Variants in RBFOX1 observed in about 807,000 individuals in gnomAD.
RBFOX1 encodes RNA binding protein fox-1 homolog 1.
RBFOX1 carries 8 observed loss-of-function variants against 57.7 expected under a neutral mutation model. The ratio of observed to expected loss-of-function variants is 0.14; its 90% CI spans 0.08 to 0.25. The LOEUF is 0.25. RBFOX1 is among the 10% of genes least tolerant of loss of function. The pLI is 1.00. For missense variants in RBFOX1, 611 were observed against 548.5 expected (o/e 1.11, Z -1.14); for synonymous variants, 326 against 222.4 (o/e 1.47, Z -4.15).
At chr16:7,247,403 C>T (rs1350380544) in intron 4 of RBFOX1, among the ~76,000 whole-genome samples, 1 of 152,084 alleles carries the variant, frequency 6.6e-6, no homozygotes, top group Non-Finnish European at 1.5e-5. Context: ...AGCAAATACT[C>T]CTCTATGGTG....
chr16:7,423,496 G>T (rs554659509), intron 4 of RBFOX1, among the ~76,000 whole-genome samples: 1 of 152,088 alleles, frequency 6.6e-6, no homozygotes, highest in Non-Finnish European at 1.5e-5. Context: ...AGGCTTTGGG[G>T]TAGCTTGTGA....
chr16:6,848,833 G>T (rs1189551870), intron 3 of RBFOX1, among the ~76,000 whole-genome samples: 1 of 152,160 alleles, frequency 6.6e-6, no homozygotes, highest in Non-Finnish European at 1.5e-5. Context: ...AGTGATTAGT[G>T]TCAGGGATAA....
intron 3 of RBFOX1, among the ~76,000 whole-genome samples, chr16:6,917,592 C>G (rs557932545): frequency 1.3e-5 from 2 of 151,402 alleles, no homozygotes; most frequent in East Asian, 3.9e-4. Context: ...AGTTAGGAAG[C>G]TCTGACACCG....
chr16:7,710,199 A>G (rs2083760071), intron 15 of RBFOX1: 3 of 1,029,570 alleles, frequency 2.9e-6, no homozygotes, highest in Non-Finnish European at 3.5e-6. Flanking sequence ...AAGTAGGTTG[A>G]GATTTTCATC....
rs574407574 is a variant in RBFOX1 at position 5,506,178 on chromosome 16, C to T, written c.258+38924C>T. Among the ~76,000 whole-genome samples the T allele has an allele frequency of 2.6e-5, 4 of 152,272 alleles. No individual in the cohort carries two copies. In the East Asian group the frequency reaches 5.8e-4, roughly 22 times the overall value. ...TAATGTGCCTGTCTTCACAGTGTTC[C>T]GGGAACTTTCTGAAGGCAGGGTTCC... On this transcript the variant is annotated intron_variant, in intron 2 of 2. Coordinates refer to the RBFOX1 transcript ENST00000585867.
At chr16:6,947,252 T>G (rs2079728345) in intron 3 of RBFOX1, among the ~76,000 whole-genome samples, 1 of 152,198 alleles carries the variant, frequency 6.6e-6, no homozygotes, top group Non-Finnish European at 1.5e-5. Context: ...CAGAAGCTCT[T>G]CTTATTTTCC....
chr16:6,143,488 A>G (rs2152706258), intron 1 of RBFOX1, among the ~76,000 whole-genome samples: 1 of 152,284 alleles, frequency 6.6e-6, no homozygotes, highest in South Asian at 2.1e-4. Context: ...TTGTTTGTGG[A>G]GGAAAATGTT....
At chr16:7,122,804 C>G (rs145253290) in intron 4 of RBFOX1, among the ~76,000 whole-genome samples, 3 of 152,110 alleles carry the variant, frequency 2.0e-5, no homozygotes, top group Non-Finnish European at 1.5e-5. Flanking sequence ...TAGAAACAAG[C>G]CATATGTCTT....
chr16:6,258,708 G>T (rs772961667), intron 1 of RBFOX1, among the ~76,000 whole-genome samples: 1 of 152,120 alleles, frequency 6.6e-6, no homozygotes, highest in African/African-American at 2.4e-5. Flanking sequence ...TCAACAGGGG[G>T]ACTATAGTTA....
At chr16:7,168,903 T>C (rs1371158090) in intron 4 of RBFOX1, among the ~76,000 whole-genome samples, 1 of 152,220 alleles carries the variant, frequency 6.6e-6, no homozygotes, top group Non-Finnish European at 1.5e-5. Context: ...CTTAACTCCA[T>C]TTCTTAATGT....
intron 3 of RBFOX1, among the ~76,000 whole-genome samples, chr16:6,864,879 A>G (rs1404365917): frequency 1.3e-5 from 2 of 152,114 alleles, no homozygotes; most frequent in Admixed American, 1.3e-4. Flanking sequence ...GATACTCATC[A>G]AAACAAGAGG....
intron 10 of RBFOX1, chr16:7,614,752 C>T (rs139954106): frequency 1.3e-5 from 2 of 152,294 alleles, no homozygotes; most frequent in East Asian, 1.9e-4. Context: ...CAGCAAGCCA[C>T]TTGCAGGTAC....
At chr16:5,645,094 AAT>A (rs1473658629) in intron 3 of RBFOX1, among the ~76,000 whole-genome samples, 20 of 132,570 alleles carry the variant, frequency 1.5e-4, no homozygotes, top group Admixed American at 3.0e-4. Flanking sequence ...AAAAAAAAAA[AAT>A]AAAAATGTTG....
chr16:5,603,756 C>G (rs976077767), downstream of RBFOX1, among the ~76,000 whole-genome samples: 6 of 152,154 alleles, frequency 3.9e-5, no homozygotes, highest in Non-Finnish European at 8.8e-5. Context: ...CATCTGTGAT[C>G]ATGTGGCCAC....
intron 3 of RBFOX1, among the ~76,000 whole-genome samples, chr16:6,984,714 C>T (rs1029156466): frequency 2.0e-5 from 3 of 152,114 alleles, no homozygotes; most frequent in African/African-American, 4.8e-5. Context: ...GATCTCTTCT[C>T]ACTGCAACCT....
chr16:5,759,344 G>C lies in RBFOX1; in HGVS notation c.319-107959G>C, dbSNP rs1279118960. The stretch of plus-strand genomic sequence containing the variant: ...GAACTTCTTAGAGAGATGTATCTCT[G>C]TTCTGATGCTTGTATTTCCTTGGTG... On this transcript the variant is annotated intron_variant, in intron 3 of 19. Transcript: ENST00000641259. Among the ~76,000 whole-genome samples the C allele has an allele frequency of 3.9e-5, 6 of 152,180 alleles. No individual in the cohort carries two copies. In the South Asian group the frequency reaches 6.2e-4, roughly 16 times the overall value.
At chr16:6,680,206 A>G (rs2058420538) in intron 3 of RBFOX1, among the ~76,000 whole-genome samples, 1 of 151,470 alleles carries the variant, frequency 6.6e-6, no homozygotes, top group South Asian at 2.1e-4. Context: ...GCATATATTC[A>G]GTAAGTGGTC....
At chr16:5,997,934 C>T (rs899962340) in intron 4 of RBFOX1, among the ~76,000 whole-genome samples, 35 of 152,174 alleles carry the variant, frequency 2.3e-4, no homozygotes, top group Non-Finnish European at 5.1e-4. Flanking sequence ...GTTCCGACAT[C>T]TCTTGAACAA....
rs35841072 is a variant in RBFOX1 at position 5,856,151 on chromosome 16, TTCTCTCTCTCTC to T, written c.319-11126_319-11115del. Among the ~76,000 whole-genome samples the T allele has an allele frequency of 2.4e-3, 96 of 40,426 alleles. 1 individual carries two copies. The highest frequency in any genetic ancestry group is 0.016 in the Admixed American group (51 of 3,120). 26.5% of individuals were successfully genotyped at this position (40,426 alleles called of 152,430 possible). On this transcript the variant is annotated intron_variant, in intron 3 of 19. Coordinates refer to the RBFOX1 transcript ENST00000641259. ...AATTTTTTTCCAGGAGTCTTTATGG[TTCTCTCTCTCTC>T]TCTCTCTCTCTCTCTCTCTCTCTCT...
Sources: allele counts gnomAD v4.1 joint callset (sites outside exome capture counted in the v4.1 genomes callset), GRCh38; gene constraint gnomAD v4.1.1; transcripts MANE v1.5; gene names NCBI Gene and HGNC (gene_info 2026-07-23, HGNC 2026-07-21).